The following IFT88 variants were observed in gnomAD, a reference collection of about 807,000 sequenced individuals.
IFT88 encodes intraflagellar transport protein 88 homolog.
IFT88 carries 74 observed loss-of-function variants against 119.5 expected under a neutral mutation model. That is an observed-to-expected ratio of 0.62 (90% CI 0.51 to 0.75). The LOEUF (loss-of-function observed/expected upper bound fraction) is 0.75. IFT88 is among the 30% of genes least tolerant of loss of function. IFT88 has a pLI of 0.00. For synonymous variants in IFT88, 279 were observed against 316.7 expected (o/e 0.88, Z 1.26); for missense variants, 961 against 977.7 (o/e 0.98, Z 0.23).
chr13:20,682,442 T>C (rs2057430627), intron 24 of IFT88, among the ~76,000 whole-genome samples: 1 of 152,232 alleles, frequency 6.6e-6, no homozygotes, highest in Non-Finnish European at 1.5e-5. Flanking sequence ...GAAAATAGAT[T>C]ACTCATGGCA....
chr13:20,602,044 A>G (rs2042675270), intron 12 of IFT88, 111 bp downstream of exon 12: 2 of 641,856 alleles, frequency 3.1e-6, no homozygotes, highest in Non-Finnish European at 2.8e-6. Flanking sequence ...CCAGGCCTGT[A>G]TCAATGTGTT....
rs963164412 is a variant in IFT88, at chr13:20,614,255, G to GA, written c.1113-1532dup. On this transcript the variant is annotated intron_variant, in intron 13 of 25. Coordinates refer to ENST00000351808, the MANE Select transcript of IFT88 (RefSeq NM_006531.5). ...TAATTCACCATACTAACAAACTAAGGAAAAAATCACGATTCAGTAATGTTG... is the reference window on the plus strand; with the variant it reads ...TAATTCACCATACTAACAAACTAAGGAAAAAAATCACGATTCAGTAATGTTG... 7 of 152,198 alleles carry GA rather than the reference G, an allele frequency of 4.6e-5. No individual in the cohort carries two copies. The South Asian group carries it at 6.2e-4, about 14-fold the overall frequency. The allele number at this position is 152,198 out of a possible 1,614,324, so 9.4% of individuals were successfully genotyped here. A position where few individuals can be genotyped will look rare whatever the true frequency, so the allele number is the denominator to read the frequency against.
At chr13:20,617,149 A>G (rs924845978) in intron 14 of IFT88, among the ~76,000 whole-genome samples, 3 of 152,284 alleles carry the variant, frequency 2.0e-5, no homozygotes, top group Non-Finnish European at 1.5e-5. Flanking sequence ...TTTGACCAAA[A>G]TGTAGAAAAA....
At chr13:20,637,206 A>G (rs2049145987) in intron 16 of IFT88, among the ~76,000 whole-genome samples, 1 of 152,188 alleles carries the variant, frequency 6.6e-6, no homozygotes, top group South Asian at 2.1e-4. Context: ...GATATTGGCA[A>G]TGGTTGCACA....
At chr13:20,620,148 A>G (rs1220683919) in intron 14 of IFT88, among the ~76,000 whole-genome samples, 1 of 152,194 alleles carries the variant, frequency 6.6e-6, no homozygotes, top group African/African-American at 2.4e-5. Flanking sequence ...ATTTAGATAC[A>G]GGATCTATAT....
chr13:20,602,787 G>A (rs2042826968), intron 12 of IFT88, among the ~76,000 whole-genome samples: 1 of 151,964 alleles, frequency 6.6e-6, no homozygotes, highest in South Asian at 2.1e-4. Context: ...GGAGGCTGAG[G>A]CAGGAGAATT....
At chr13:20,660,132 A>G (rs1401608501) in intron 22 of IFT88, among the ~76,000 whole-genome samples, 1 of 152,182 alleles carries the variant, frequency 6.6e-6, no homozygotes, top group Non-Finnish European at 1.5e-5. Flanking sequence ...TATAAGTGCT[A>G]TGAAGGCAAA....
At chr13:20,607,538 G>C in intron 13 of IFT88, 1 of 707,508 alleles carries the variant, frequency 1.4e-6, no homozygotes, top group Non-Finnish European at 2.6e-6. Flanking sequence ...TGTGCTTCTT[G>C]TTTCAGAACA....
At chr13:20,612,290 G>A (rs2044699365) in intron 13 of IFT88, 2 of 152,152 alleles carry the variant, frequency 1.3e-5, no homozygotes, top group Non-Finnish European at 2.9e-5. Flanking sequence ...TCCATCTGCT[G>A]TATGCATTGA....
At chr13:20,582,074 GA>G (rs2038798590) in intron 2 of IFT88, among the ~76,000 whole-genome samples, 1 of 151,586 alleles carries the variant, frequency 6.6e-6, no homozygotes, top group Non-Finnish European at 1.5e-5. Context: ...GAAGTAGATT[GA>G]AATAAATCAG....
intron 22 of IFT88, among the ~76,000 whole-genome samples, chr13:20,662,911 T>G (rs1193269978): frequency 6.6e-6 from 1 of 152,230 alleles, no homozygotes; most frequent in Non-Finnish European, 1.5e-5. Context: ...TATAAAGTGA[T>G]CGAAGATTTT....
At chr13:20,660,661 G>A (rs976559316) in intron 22 of IFT88, among the ~76,000 whole-genome samples, 3 of 152,166 alleles carry the variant, frequency 2.0e-5, no homozygotes, top group Admixed American at 2.0e-4. Flanking sequence ...GCACTTGCTG[G>A]CCATTTAGAT....
chr13:20,570,627 A>G (rs1156489479), intron 1 of IFT88, among the ~76,000 whole-genome samples: 2 of 152,150 alleles, frequency 1.3e-5, no homozygotes, highest in African/African-American at 4.8e-5. Flanking sequence ...CATATTGTGT[A>G]ATTTCCTTAA....
intron 15 of IFT88, 36 bp from the exon 16 acceptor site, chr13:20,630,980 T>G (rs1434280374): frequency 8.2e-7 from 1 of 1,217,960 alleles, no homozygotes; most frequent in South Asian, 1.2e-5. Context: ...ACTGTCATAT[T>G]ACAGTGGTAG....
chr13:20,591,358 C>T (rs544683024), intron 5 of IFT88, among the ~76,000 whole-genome samples: 2 of 151,944 alleles, frequency 1.3e-5, no homozygotes, highest in African/African-American at 4.8e-5. Flanking sequence ...AAGAGACCAA[C>T]CAAAAGTAAG....
intron 23 of IFT88, among the ~76,000 whole-genome samples, chr13:20,666,180 A>G (rs1299135414): frequency 1.3e-5 from 2 of 152,198 alleles, no homozygotes; most frequent in Non-Finnish European, 2.9e-5. Flanking sequence ...GTGATCTGGA[A>G]TGGATGTTTA....
chr13:20,616,942 T>TG (rs1035392187), intron 14 of IFT88, among the ~76,000 whole-genome samples: 4 of 151,754 alleles, frequency 2.6e-5, no homozygotes, highest in Non-Finnish European at 4.4e-5. Flanking sequence ...TTGGTTTTTT[T>TG]TTGTTGTTGT....
chr13:20,691,123 A>G lies in IFT88; in HGVS notation c.2423A>G (p.Asp808Gly). Residue 808 changes from aspartate to glycine, a missense_variant, in exon 26 of 26, where the codon GAT (aspartate) becomes GGT (glycine). Transcript: ENST00000351808. ...AAAACTGCAGCCAAGAAAAGGATCG[A>G]TGAGGATGATTTTGCTGATGAAGAA... The part of the protein sequence containing the change: ...RPKTAAKKRI[D>G]EDDFADEELG... The G allele has an allele frequency of 1.2e-6, 2 of 1,614,004 alleles. No homozygotes were observed. Among genetic ancestry groups the G allele is most frequent in the Non-Finnish European group, 1.7e-6 (2 of 1,179,884 alleles).
At chr13:20,612,527 A>G (rs1040918051) in intron 13 of IFT88, among the ~76,000 whole-genome samples, 1 of 152,236 alleles carries the variant, frequency 6.6e-6, no homozygotes, top group African/African-American at 2.4e-5. Context: ...ATTTTTATGG[A>G]TAGGCACTTA....
Sources: gnomAD v4.1 joint callset for allele counts (sites outside exome capture counted in the v4.1 genomes callset) on GRCh38, gnomAD v4.1.1 for gene constraint, MANE v1.5 for transcripts, NCBI Gene and HGNC (gene_info 2026-07-23, HGNC 2026-07-21) for gene names.